The following GABRB1 variants were observed in gnomAD, a reference collection of about 807,000 sequenced individuals.
GABRB1 encodes the protein gamma-aminobutyric acid receptor subunit beta-1.
GABRB1 carries 17 observed loss-of-function variants against 51.6 expected under a neutral mutation model. The observed-to-expected ratio is 0.33, with a 90% CI of 0.23 to 0.49. GABRB1 has a LOEUF of 0.49. Among genes scored for constraint, GABRB1 ranks in the 20% least tolerant of loss-of-function variants. The pLI, the probability that GABRB1 is intolerant of heterozygous loss-of-function variation, is 0.99. For synonymous variants in GABRB1, 247 were observed against 218.9 expected (o/e 1.13, Z -1.14); for missense variants, 410 against 600.6 (o/e 0.68, Z 3.32).
chr4:47,320,123 T>C lies in GABRB1; in HGVS notation c.462-4T>C, dbSNP rs1332807125. 1 of 1,576,060 alleles carries C rather than the reference T, an allele frequency of 6.3e-7. No homozygotes were observed. Among genetic ancestry groups the C allele is most frequent in the African/African-American group, 1.3e-5 (1 of 74,178 alleles). On this transcript the variant is annotated splice_region_variant and splice_polypyrimidine_tract_variant and intron_variant, in intron 4 of 8. Transcript: ENST00000295454. ...TTTTCTTTTTTCTCTCTCCTCTCTA[T>C]CAGAATCACAACCACAGCTGCATGT...
At chr4:47,329,093 A>G (rs1725365470) in intron 5 of GABRB1, among the ~76,000 whole-genome samples, 1 of 152,178 alleles carries the variant, frequency 6.6e-6, no homozygotes, top group Non-Finnish European at 1.5e-5. Flanking sequence ...TTCAGACATA[A>G]GACATGAGTA....
At chr4:47,358,742 G>A (rs923980690) in intron 5 of GABRB1, among the ~76,000 whole-genome samples, 2 of 152,080 alleles carry the variant, frequency 1.3e-5, no homozygotes, top group African/African-American at 4.8e-5. Flanking sequence ...GAATTTAGCG[G>A]TAGAGAAAAC....
At chr4:47,320,769 T>C (rs1560332427) in intron 5 of GABRB1, among the ~76,000 whole-genome samples, 1 of 118,500 alleles carries the variant, frequency 8.4e-6, no homozygotes, top group East Asian at 2.5e-4. Context: ...TTTTCTTTTT[T>C]CTTTTTTTTT....
intron 4 of GABRB1, among the ~76,000 whole-genome samples, chr4:47,223,385 A>G (rs1028806281): frequency 2.0e-5 from 3 of 152,122 alleles, no homozygotes; most frequent in African/African-American, 7.2e-5. Context: ...AATAGAACCT[A>G]GGTAGGTAAG....
In GABRB1 at chr4:47,123,891, AATATATAATATATTATATATTAATATATG is replaced by A. The variant is rs1393510165; in HGVS notation, c.241-37337_241-37309del. ...TATATATCTTATATATAATATATAT[AATATATAATATATTATATATTAATATATG>A]ATATATAATATATTATATATATTAT... On this transcript the variant is annotated intron_variant, in intron 3 of 8. Transcript: ENST00000295454. Among the ~76,000 whole-genome samples the A allele has an allele frequency of 1.9e-3, 159 of 83,770 alleles. 3 individuals are homozygous for A. In the Admixed American group the frequency reaches 0.028, roughly 15 times the overall value. The allele number at this position is 83,770 out of a possible 152,430, so 55.0% of individuals were successfully genotyped here.
chr4:47,204,011 C>G (rs1407187182), intron 4 of GABRB1, among the ~76,000 whole-genome samples: 2 of 152,170 alleles, frequency 1.3e-5, no homozygotes, highest in African/African-American at 2.4e-5. Flanking sequence ...TTTGCACTCT[C>G]TCCCTCTGAA....
intron 3 of GABRB1, among the ~76,000 whole-genome samples, chr4:47,051,610 C>A (rs1487094419): frequency 6.6e-6 from 1 of 152,104 alleles, no homozygotes; most frequent in Non-Finnish European, 1.5e-5. Flanking sequence ...AGTTCCACAT[C>A]TGGGTCAGCA....
At chr4:47,355,187 G>A (rs1560348763) in intron 5 of GABRB1, among the ~76,000 whole-genome samples, 1 of 151,744 alleles carries the variant, frequency 6.6e-6, no homozygotes, top group South Asian at 2.1e-4. Context: ...TCACCATGTT[G>A]ACCAGGCTGG....
intron 4 of GABRB1, among the ~76,000 whole-genome samples, chr4:47,259,215 G>T (rs1165923572): frequency 6.6e-6 from 1 of 152,010 alleles, no homozygotes; most frequent in African/African-American, 2.4e-5. Flanking sequence ...CCTTCACATT[G>T]TGCAGAAGGT....
At chr4:47,084,512 A>G (rs1187973253) in intron 3 of GABRB1, among the ~76,000 whole-genome samples, 1 of 152,234 alleles carries the variant, frequency 6.6e-6, no homozygotes, top group Non-Finnish European at 1.5e-5. Context: ...TGTATCTAGA[A>G]GTCTGGAAGC....
At chr4:47,029,333 A>G (rs1205313747), upstream of GABRB1, among the ~76,000 whole-genome samples, 1 of 151,966 alleles carries the variant, frequency 6.6e-6, no homozygotes, top group Non-Finnish European at 1.5e-5. Context: ...TAATATTCTT[A>G]AGTTTTGCAT....
chr4:47,152,039 A>C (rs939468436), intron 3 of GABRB1, among the ~76,000 whole-genome samples: 1 of 151,986 alleles, frequency 6.6e-6, no homozygotes, highest in Admixed American at 6.6e-5. Flanking sequence ...ACTTAATTTT[A>C]CTTTTGCCAT....
At chr4:47,227,182 T>C (rs1720972725) in intron 4 of GABRB1, among the ~76,000 whole-genome samples, 1 of 152,160 alleles carries the variant, frequency 6.6e-6, no homozygotes, top group Admixed American at 6.6e-5. Flanking sequence ...TCACTCATTA[T>C]GTGTCATTTA....
At chr4:47,295,164 G>A (rs371291519) in intron 4 of GABRB1, among the ~76,000 whole-genome samples, 10 of 152,204 alleles carry the variant, frequency 6.6e-5, no homozygotes, top group South Asian at 2.1e-4. Context: ...GGGAAAAAAC[G>A]GAGCAGAAAA....
chr4:47,142,579 A>G (rs556213171), intron 3 of GABRB1, among the ~76,000 whole-genome samples: 1 of 152,038 alleles, frequency 6.6e-6, no homozygotes, highest in South Asian at 2.1e-4. Context: ...ACCCGATGTG[A>G]AAAATGAGTT....
intron 1 of GABRB1, among the ~76,000 whole-genome samples, chr4:47,018,468 TC>T (rs1197510737): frequency 6.6e-6 from 1 of 152,138 alleles, no homozygotes; most frequent in African/African-American, 2.4e-5. Flanking sequence ...ATGTCAGAAA[TC>T]TACAATTTTA....
intron 4 of GABRB1, among the ~76,000 whole-genome samples, chr4:47,291,386 G>C (rs937727226): frequency 6.6e-5 from 10 of 152,220 alleles, no homozygotes. Flanking sequence ...CCTTCATGGA[G>C]AACCTCTGCT....
upstream of GABRB1, chr4:46,993,670 A>G (rs1723868644): frequency 2.3e-6 from 1 of 443,108 alleles, no homozygotes; most frequent in South Asian, 2.6e-5. Context: ...AGCTATGTAT[A>G]CCGCTCCACA....
chr4:47,172,631 C>CTTT (rs71195611), intron 4 of GABRB1, among the ~76,000 whole-genome samples: 3 of 65,798 alleles, frequency 4.6e-5, no homozygotes, highest in Non-Finnish European at 7.7e-5. Flanking sequence ...TTAGATTTAA[C>CTTT]TTTTTTTTTT....
Sources: allele counts gnomAD v4.1 joint callset (sites outside exome capture counted in the v4.1 genomes callset), GRCh38; gene constraint gnomAD v4.1.1; transcripts MANE v1.5; gene names NCBI Gene and HGNC (gene_info 2026-07-23, HGNC 2026-07-21).